The following EML1 variants were observed in gnomAD, a reference collection of about 807,000 sequenced individuals.
The protein encoded by EML1 is EMAP like 1, also known as echinoderm microtubule-associated protein-like 1.
A neutral mutation model predicts 110.4 loss-of-function variants in EML1; 27 were observed. That is an observed-to-expected ratio of 0.24 (90% CI 0.18 to 0.34). The LOEUF is 0.34. Among genes scored for constraint, EML1 ranks in the 10% least tolerant of loss-of-function variants. The pLI, the probability that EML1 is intolerant of heterozygous loss-of-function variation, is 1.00. For synonymous variants in EML1, 344 were observed against 385.8 expected, an observed-to-expected ratio of 0.89 and a Z score of 1.27; for missense variants, 741 against 1,030.9, an observed-to-expected ratio of 0.72 and a Z score of 3.85.
chr14:99,759,762 G>A (rs17099012), intron 1 of EML1, among the ~76,000 whole-genome samples: 54,224 of 152,088 alleles, frequency 0.36, 11,791 homozygotes, highest in Admixed American at 0.51. Context: ...ACCACCCTCA[G>A]CAGCAGCAGG....
In EML1 at chr14:99,911,419, T is replaced by G; in HGVS notation, c.1340-3T>G. The G allele has an allele frequency of 6.3e-7, 1 of 1,586,216 alleles. No individual in the cohort carries two copies. The highest frequency in any genetic ancestry group is 8.5e-7 in the Non-Finnish European group (1 of 1,173,166). On this transcript the variant is annotated splice_region_variant and splice_polypyrimidine_tract_variant and intron_variant, in intron 12 of 21. Transcript: ENST00000262233. ...CTAATGATGGTTTTCTTGGTGTGTT[T>G]AGGTACAAATCGAATAAGCTATGCA... is the stretch of plus-strand genomic sequence containing the variant.
At chr14:99,898,143 A>G in intron 7 of EML1, 90 bp from the exon 8 acceptor site, 1 of 1,088,990 alleles carries the variant, frequency 9.2e-7, no homozygotes, top group Admixed American at 3.1e-5. Context: ...TATTTCTTAT[A>G]TTTAAATTTT....
intron 1 of EML1, among the ~76,000 whole-genome samples, chr14:99,812,204 T>C (rs1433475375): frequency 6.6e-6 from 1 of 151,830 alleles, no homozygotes; most frequent in Non-Finnish European, 1.5e-5. Flanking sequence ...GGGAGATGTA[T>C]TGCTGGTAAT....
At chr14:99,887,440 A>G (rs2059499695) in intron 4 of EML1, among the ~76,000 whole-genome samples, 1 of 152,112 alleles carries the variant, frequency 6.6e-6, no homozygotes, top group Non-Finnish European at 1.5e-5. Flanking sequence ...GGTGCAGGAC[A>G]TCTTGATTGA....
chr14:99,887,582 G>T (rs1200644301), intron 4 of EML1, among the ~76,000 whole-genome samples: 2 of 152,178 alleles, frequency 1.3e-5, no homozygotes, highest in Non-Finnish European at 2.9e-5. Context: ...CTGCTGAGGG[G>T]ATGTTAAGTC....
intron 1 of EML1, among the ~76,000 whole-genome samples, chr14:99,812,455 A>G (rs2058097569): frequency 6.6e-6 from 1 of 151,860 alleles, no homozygotes. Flanking sequence ...TGAGGCTGAC[A>G]TAGTGGTACA....
chr14:99,744,308 C>T (rs1022933107), intron 1 of EML1, among the ~76,000 whole-genome samples: 1 of 152,134 alleles, frequency 6.6e-6, no homozygotes, highest in African/African-American at 2.4e-5. Context: ...CAGTGTGATG[C>T]TTCCATAAAG....
chr14:99,776,068 C>T (rs972670058), intron 1 of EML1, among the ~76,000 whole-genome samples: 7 of 152,286 alleles, frequency 4.6e-5, no homozygotes, highest in Middle Eastern at 3.4e-3. Context: ...AACAAAATGT[C>T]CTACAAGCAA....
At chr14:99,743,346 C>T (rs747242181) in intron 1 of EML1, among the ~76,000 whole-genome samples, 3 of 152,284 alleles carry the variant, frequency 2.0e-5, no homozygotes, top group Non-Finnish European at 4.4e-5. Context: ...CCTGGGGACC[C>T]TGCACCCTTG....
At chr14:99,859,017 CA>C (rs1411696969) in intron 2 of EML1, among the ~76,000 whole-genome samples, 7 of 152,072 alleles carry the variant, frequency 4.6e-5, no homozygotes, top group East Asian at 1.9e-4. Context: ...AACTTAATAT[CA>C]AAAAAATGCA....
chr14:99,889,640 G>A (rs1220194125), intron 4 of EML1, among the ~76,000 whole-genome samples: 1 of 152,204 alleles, frequency 6.6e-6, no homozygotes, highest in Non-Finnish European at 1.5e-5. Context: ...ACTTCGGGGA[G>A]GATGGTCCAG....
Position 99,898,237 on chromosome 14 carries a change from G to T in EML1, c.832G>T (p.Ala278Ser). 2 of 1,596,734 alleles carry T rather than the reference G, an allele frequency of 1.3e-6. No individual in the cohort carries two copies. The highest frequency in any genetic ancestry group is 1.7e-6 in the Non-Finnish European group (2 of 1,169,336). Residue 278 changes from alanine (A) to serine (S), a missense_variant, in exon 8 of 22, where the codon GCA (alanine) becomes TCA (serine). By Grantham distance (99) the Ala-to-Ser change is moderately conservative. This residue lies in a region of EML1 where 388 missense variants were observed against 605.6 expected (regional missense o/e 0.64). Coordinates refer to ENST00000262233, the MANE Select transcript of EML1 (RefSeq NM_004434.3). ...AGHNDDVKCL[A>S]VHPDRITIAT... ...TTGTAAATATCCTTTTCTTAGCCTA[G>T]CAGTTCATCCTGATCGGATCACGAT... is the stretch of plus-strand genomic sequence containing the variant.
intron 1 of EML1, among the ~76,000 whole-genome samples, chr14:99,834,589 G>A (rs1216515699): frequency 6.6e-6 from 1 of 152,072 alleles, no homozygotes; most frequent in Non-Finnish European, 1.5e-5. Context: ...GTGAGGTACT[G>A]TGCCCGGCCT....
intron 20 of EML1, among the ~76,000 whole-genome samples, chr14:99,938,426 T>C (rs1302780755): frequency 6.6e-6 from 1 of 152,250 alleles, no homozygotes; most frequent in East Asian, 1.9e-4. Context: ...ATTTGCAGTT[T>C]TGTGGTGTTC....
rs1052012283 is a variant in EML1, at chr14:99,777,758, T to A, written c.-27+3745T>A. On this transcript the variant is annotated intron_variant, in intron 1 of 22. Transcript: ENST00000327921. ...TGAAATAACATGCATATACTGCTAC[T>A]TCCTGACTGTCCAAGTCCAAGCATT... 5.5e-4 allele frequency among the ~76,000 whole-genome samples: 83 copies of A among 152,218 alleles called. 4 individuals are homozygous for A. The highest frequency in any genetic ancestry group is 4.6e-4 in the Admixed American group (7 of 15,288).
At chr14:99,790,977 C>G (rs1181484070), upstream of EML1, among the ~76,000 whole-genome samples, 1 of 151,812 alleles carries the variant, frequency 6.6e-6, no homozygotes, top group African/African-American at 2.4e-5. Flanking sequence ...CCCACCTCAG[C>G]TTCCCAAATA....
intron 17 of EML1, among the ~76,000 whole-genome samples, chr14:99,929,264 A>G (rs1193607246): frequency 1.3e-5 from 2 of 152,192 alleles, no homozygotes; most frequent in Non-Finnish European, 2.9e-5. Context: ...GTTCTCCCTT[A>G]GTTAGCCAGG....
chr14:99,809,048 A>C (rs1344542634), intron 1 of EML1, among the ~76,000 whole-genome samples: 2 of 152,226 alleles, frequency 1.3e-5, no homozygotes, highest in Non-Finnish European at 2.9e-5. Flanking sequence ...TCTTTGAACT[A>C]TACCAAGTGG....
At position 99,936,739 on chromosome 14, in the gene EML1, C is replaced by T. The variant is rs559236479; in HGVS notation, c.2095+405C>T. 1.3e-5 allele frequency among the ~76,000 whole-genome samples: 2 copies of T among 152,284 alleles called. No homozygotes were observed. Among genetic ancestry groups the T allele is most frequent in the African/African-American group, 2.4e-5 (1 of 41,570 alleles). ...CAGGAGGGACCATGAAGTCCATCCC[C>T]GCTGGGTGGACGGCAGCCCTGGGAC... On this transcript the variant is annotated intron_variant, in intron 19 of 21. Coordinates refer to ENST00000262233, the MANE Select transcript of EML1 (RefSeq NM_004434.3). This position sits in a 1 kb window ranked among gnomAD's most constrained non-coding sequence, Gnocchi z 5.5.
Sources: allele counts gnomAD v4.1 joint callset (sites outside exome capture counted in the v4.1 genomes callset), GRCh38; gene constraint gnomAD v4.1.1; regional missense constraint gnomAD v4.1.1; non-coding constraint Gnocchi (gnomAD v3.1); transcripts MANE v1.5; gene names NCBI Gene and HGNC (gene_info 2026-07-23, HGNC 2026-07-21).